Variants in CYP2E1 observed in about 807,000 individuals in gnomAD.
CYP2E1 encodes the protein cytochrome P450 2E1.
CYP2E1 carries 31 observed loss-of-function variants against 42.9 expected under a neutral mutation model. The observed-to-expected ratio is 0.72, with a 90% CI of 0.54 to 0.98. The LOEUF (loss-of-function observed/expected upper bound fraction) is 0.98. Ranked by LOEUF, CYP2E1 falls within the 50% of genes least tolerant of loss-of-function variation. CYP2E1 has a pLI of 0.00. For synonymous variants in CYP2E1, 244 were observed against 248.9 expected (o/e 0.98, Z 0.19); for missense variants, 565 against 633.2 (o/e 0.89, Z 1.16).
At position 133,538,992 on chromosome 10, in the gene CYP2E1, G is replaced by T. The variant is rs770971237; in HGVS notation, c.*28G>T. 100 of 1,531,152 alleles carry T rather than the reference G, an allele frequency of 6.5e-5. No individual in the cohort carries two copies. Among genetic ancestry groups the T allele is most frequent in the Non-Finnish European group, 6.6e-5 (75 of 1,137,064 alleles). 94.8% of individuals were successfully genotyped at this position (1,531,152 alleles called of 1,614,324 possible). ...GTGTGGAGGACACCCTGAACCCCCC[G>T]CTTTCAAACAAGTTTTCAAATTGTT... On this transcript the variant is annotated 3_prime_UTR_variant, in exon 9 of 9. Coordinates refer to ENST00000252945, the MANE Select transcript of CYP2E1 (RefSeq NM_000773.4).
Position 133,537,831 on chromosome 10 carries a change from A to T in CYP2E1, c.1236A>T (p.Glu412Asp). The change falls in exon 8 of 9, where the codon GAA (glutamate) becomes GAT (aspartate). Residue 412 changes from glutamate to aspartate, a missense_variant. Physicochemically the swap from Glu to Asp is conservative, Grantham distance 45 (BLOSUM62 2). Coordinates refer to ENST00000252945, the MANE Select transcript of CYP2E1 (RefSeq NM_000773.4). Reference protein sequence around the residue: ...EFPDPEKFKPEHFLNENGKFK... With the variant: ...EFPDPEKFKPDHFLNENGKFK... ...CTGATCCAGAAAAGTTTAAGCCAGA[A>T]CACTTCCTGAATGAAAATGGAAAGT... 6.2e-7 allele frequency: 1 copy of T among 1,613,982 alleles called. No individual in the cohort carries two copies. Among genetic ancestry groups the T allele is most frequent in the South Asian group, 1.1e-5 (1 of 91,062 alleles).
In CYP2E1 at chr10:133,531,620, A is replaced by T; in HGVS notation, c.373A>T (p.Ile125Phe). The T allele has an allele frequency of 6.2e-7, 1 of 1,614,134 alleles. No homozygotes were observed. Among genetic ancestry groups the T allele is most frequent in the Non-Finnish European group, 8.5e-7 (1 of 1,180,022 alleles). The stretch of plus-strand genomic sequence containing the variant: ...TAATAATGGACCTACCTGGAAGGAC[A>T]TCCGGCGGTTTTCCCTGACCACCCT... ...IFNNGPTWKD[I>F]RRFSLTTLRN... The change falls in exon 3 of 9, where the codon ATC becomes TTC. Residue 125 changes from isoleucine (I) to phenylalanine (F), a missense_variant. Ile to Phe is a conservative substitution (Grantham distance 21). Transcript: ENST00000252945.
In CYP2E1 at chr10:133,528,448, G is replaced by C. The variant is rs779186603; in HGVS notation, c.178-33G>C. 1.7e-5 allele frequency: 27 copies of C among 1,607,928 alleles called. No individual in the cohort carries two copies. The East Asian group carries it at 5.8e-4, about 35-fold the overall frequency. ...GAGCCCCGCACCTCCTCGCCGCGCG[G>C]CGGGCCTGACTTCTAGCCACGGGTC... On this transcript the variant is annotated intron_variant, in intron 1 of 8. Coordinates refer to ENST00000252945, the MANE Select transcript of CYP2E1 (RefSeq NM_000773.4).
intron 8 of CYP2E1, among the ~76,000 whole-genome samples, chr10:133,538,216 A>C (rs540443746): frequency 1.0e-3 from 156 of 152,182 alleles, no homozygotes; most frequent in Non-Finnish European, 1.7e-3. Flanking sequence ...AAGCCATATT[A>C]CCCAATTCTC....
chr10:133,528,909 C>T (rs1851305550), intron 2 of CYP2E1, among the ~76,000 whole-genome samples: 1 of 152,166 alleles, frequency 6.6e-6, no homozygotes, highest in Admixed American at 6.5e-5. Flanking sequence ...CAGGAGTCGC[C>T]GCCCCCACCC....
chr10:133,527,674 A>G lies in CYP2E1; in HGVS notation c.177+102A>G. 4.2e-6 allele frequency: 4 copies of G among 945,352 alleles called. No homozygotes were observed. In the South Asian group the frequency reaches 6.3e-5, roughly 15 times the overall value. 58.6% of individuals were successfully genotyped at this position (945,352 alleles called of 1,614,324 possible). On this transcript the variant is annotated intron_variant, in intron 1 of 8. Transcript: ENST00000252945. ...AGACAAATTGTGGTTGTTCAATACC[A>G]GCCTGTTGTGAATTACCTGAATTGA...
chr10:133,529,759 T>C (rs1851315009), intron 2 of CYP2E1, among the ~76,000 whole-genome samples: 2 of 152,194 alleles, frequency 1.3e-5, no homozygotes. Flanking sequence ...CCAGCTCAGG[T>C]TCCCGCGCCA....
At chr10:133,532,395 A>T in intron 4 of CYP2E1, 111 bp downstream of exon 4, 1 of 1,072,476 alleles carries the variant, frequency 9.3e-7, no homozygotes, top group African/African-American at 1.6e-5. Flanking sequence ...CAAACAACAT[A>T]GCTTCGAGGG....
intron 2 of CYP2E1, among the ~76,000 whole-genome samples, chr10:133,529,408 C>T (rs1423521728): frequency 6.6e-6 from 1 of 152,224 alleles, no homozygotes; most frequent in Non-Finnish European, 1.5e-5. Context: ...CTTCTTTCTC[C>T]TTCCTCCCTC....
chr10:133,532,824 T>C lies in CYP2E1; in HGVS notation c.781T>C (p.Cys261Arg), dbSNP rs1851354963. Residue 261 changes from cysteine (C) to arginine (R), a missense_variant, in exon 5 of 9, where the codon TGT becomes CGT. Transcript: ENST00000252945. Reference protein sequence around the residue: ...KEHHQSLDPNCPRDLTDCLLV... With the variant: ...KEHHQSLDPNRPRDLTDCLLV... Reference sequence around the variant, plus strand: ...GCACCATCAATCTCTGGACCCCAACTGTCCCCGGGACCTCACCGACTGCCT... The same window carrying C: ...GCACCATCAATCTCTGGACCCCAACCGTCCCCGGGACCTCACCGACTGCCT... 3.1e-6 allele frequency: 5 copies of C among 1,612,774 alleles called. No homozygotes were observed. The highest frequency in any genetic ancestry group is 8.5e-7 in the Non-Finnish European group (1 of 1,179,662).
chr10:133,531,466 C>T, intron 2 of CYP2E1, 119 bp from the exon 3 acceptor site: 1 of 1,187,688 alleles, frequency 8.4e-7, no homozygotes, highest in East Asian at 2.4e-5. Flanking sequence ...GTCCCTCTGC[C>T]CCCTCTGTCA....
In CYP2E1 at chr10:133,532,847, C is replaced by G. The variant is rs1445693067; in HGVS notation, c.804C>G (p.Cys268Trp). The G allele has an allele frequency of 6.2e-7, 1 of 1,605,774 alleles. No homozygotes were observed. Among genetic ancestry groups the G allele is most frequent in the Non-Finnish European group, 8.5e-7 (1 of 1,177,944 alleles). ...ACTGTCCCCGGGACCTCACCGACTGCCTGCTCGTGGAAATGGAGAAGGTAG... is the reference window on the plus strand; with the variant it reads ...ACTGTCCCCGGGACCTCACCGACTGGCTGCTCGTGGAAATGGAGAAGGTAG... The part of the protein sequence containing the change: ...DPNCPRDLTD[C>W]LLVEMEKEKH... The change falls in exon 5 of 9, where the codon TGC becomes TGG. Residue 268 changes from cysteine (C) to tryptophan (W), a missense_variant. Physicochemically the swap from Cys to Trp is radical, Grantham distance 215. Transcript: ENST00000252945.
intron 3 of CYP2E1, 49 bp downstream of exon 3, chr10:133,531,783 T>C: frequency 6.5e-7 from 1 of 1,531,028 alleles, no homozygotes; most frequent in Non-Finnish European, 8.8e-7. Flanking sequence ...AGACCAGCGG[T>C]GTGGGGAGCC....
intron 6 of CYP2E1, 29 bp downstream of exon 6, chr10:133,533,926 C>G: frequency 6.2e-7 from 1 of 1,611,844 alleles, no homozygotes; most frequent in South Asian, 1.1e-5. Context: ...GGACACCGTG[C>G]GTGCGGCTGC....
chr10:133,528,612 C>T lies in CYP2E1; in HGVS notation c.309C>T (p.Leu103=), dbSNP rs763527031. ...YKDEFSGRGD[L]PAFHAHRDRG... is the part of the protein sequence containing the mutation. The stretch of plus-strand genomic sequence containing the variant: ...ACGAGTTCTCGGGCAGAGGCGACCT[C>T]CCCGCGTTCCATGCGCACAGGGACA... Residue 103 remains leucine (L), a synonymous_variant, in exon 2 of 9, where the codon CTC becomes CTT. Transcript: ENST00000252945. The T allele has an allele frequency of 3.7e-6, 6 of 1,613,356 alleles. No individual in the cohort carries two copies. Among genetic ancestry groups the T allele is most frequent in the African/African-American group, 2.7e-5 (2 of 75,050 alleles).
At chr10:133,536,864 G>A (rs1851411138) in intron 6 of CYP2E1, among the ~76,000 whole-genome samples, 199 bp from the exon 7 acceptor site, 1 of 150,286 alleles carries the variant, frequency 6.7e-6, no homozygotes, top group Admixed American at 6.6e-5. Flanking sequence ...TGGCTGGCTG[G>A]GTGGGTGGGT....
chr10:133,532,192 C>T lies in CYP2E1; in HGVS notation c.556C>T (p.Arg186Cys), dbSNP rs140500826. The T allele has an allele frequency of 1.2e-5, 20 of 1,613,900 alleles. No homozygotes were observed. The highest frequency in any genetic ancestry group is 4.4e-5 in the South Asian group (4 of 91,080). ...PCNVIADILF[R>C]KHFDYNDEKF... ...CAACGTCATAGCCGACATCCTCTTC[C>T]GCAAGCATTTTGACTACAATGATGA... Residue 186 changes from arginine (R) to cysteine (C), a missense_variant, in exon 4 of 9, where the codon CGC becomes TGC. Physicochemically the swap from Arg to Cys is radical, Grantham distance 180 (BLOSUM62 -3). Transcript: ENST00000252945.
In CYP2E1 at chr10:133,531,606, C is replaced by T. The variant is rs1345641544; in HGVS notation, c.359C>T (p.Pro120Leu). ...TTAGGAATCATTTTTAATAATGGAC[C>T]TACCTGGAAGGACATCCGGCGGTTT... Reference protein sequence around the residue: ...RDRGIIFNNGPTWKDIRRFSL... With the variant: ...RDRGIIFNNGLTWKDIRRFSL... The change falls in exon 3 of 9, where the codon CCT becomes CTT. Residue 120 changes from proline to leucine, a missense_variant. Transcript: ENST00000252945. 1 of 1,613,992 alleles carries T rather than the reference C, an allele frequency of 6.2e-7. No individual in the cohort carries two copies. Among genetic ancestry groups the T allele is most frequent in the Non-Finnish European group, 8.5e-7 (1 of 1,180,036 alleles).
At position 133,537,837 on chromosome 10, in the gene CYP2E1, C is replaced by T. The variant is rs754377193; in HGVS notation, c.1242C>T (p.Phe414=). ...PDPEKFKPEH[F]LNENGKFKYS... ...CAGAAAAGTTTAAGCCAGAACACTT[C>T]CTGAATGAAAATGGAAAGTTCAAGT... Residue 414 remains phenylalanine, a synonymous_variant, in exon 8 of 9, where the codon TTC becomes TTT. Coordinates refer to ENST00000252945, the MANE Select transcript of CYP2E1 (RefSeq NM_000773.4). 1.9e-5 allele frequency: 31 copies of T among 1,613,720 alleles called. 1 individual carries two copies. In the South Asian group the frequency reaches 3.3e-4, roughly 17 times the overall value.
Sources: gnomAD v4.1 joint callset for allele counts (sites outside exome capture counted in the v4.1 genomes callset) on GRCh38, gnomAD v4.1.1 for gene constraint, MANE v1.5 for transcripts, NCBI Gene and HGNC (gene_info 2026-07-23, HGNC 2026-07-21) for gene names.